LRP1B: variants seen among roughly 807,000 people sequenced by gnomAD.
The protein encoded by LRP1B is LDL receptor related protein 1B.
LRP1B carries 217 observed loss-of-function variants against 556.6 expected under a neutral mutation model. The observed-to-expected ratio is 0.39, with a 90% CI of 0.35 to 0.44. The LOEUF is 0.44. Among genes scored for constraint, LRP1B ranks in the 20% least tolerant of loss-of-function variants. LRP1B has a pLI of 1.00. For synonymous variants in LRP1B, 2,047 were observed against 1,865.8 expected (o/e 1.10, Z -2.50); for missense variants, 5,053 against 5,620.8 (o/e 0.90, Z 3.23).
At chr2:140,773,263 C>T (rs1037986714) in intron 33 of LRP1B, among the ~76,000 whole-genome samples, 1 of 151,976 alleles carries the variant, frequency 6.6e-6, no homozygotes, top group Non-Finnish European at 1.5e-5. Flanking sequence ...TCAAGAGTTC[C>T]GGACCAGAGC....
At chr2:141,313,434 G>A (rs1686886225) in intron 3 of LRP1B, among the ~76,000 whole-genome samples, 2 of 152,128 alleles carry the variant, frequency 1.3e-5, no homozygotes, top group African/African-American at 2.4e-5. Flanking sequence ...TGTGAGGGGT[G>A]CAAAATAAAA....
chr2:140,360,735 T>C (rs1194597662), intron 72 of LRP1B, among the ~76,000 whole-genome samples: 2 of 151,526 alleles, frequency 1.3e-5, no homozygotes, highest in East Asian at 3.9e-4. Context: ...TATGTCCTTT[T>C]ACTCTAATCT....
intron 66 of LRP1B, among the ~76,000 whole-genome samples, chr2:140,434,121 G>A (rs1208312222): frequency 6.6e-6 from 1 of 151,850 alleles, no homozygotes; most frequent in East Asian, 1.9e-4. Flanking sequence ...CCAGGCTGGA[G>A]TGTAGTGGTG....
rs1683369683 is a variant in LRP1B at position 141,229,261 on chromosome 2, G to T, written c.772C>A (p.Gln258Lys). Reference protein sequence around the residue: ...CWIESRESSNQLKCIQITKAG... With the variant: ...CWIESRESSNKLKCIQITKAG... ...TTTGTTATCTGGATACATTTGAGTT[G>T]ATTTGAAGATTCTCTTGATTCAATC... Residue 258 changes from glutamine to lysine, a missense_variant, in exon 6 of 91, where the codon CAA (glutamine) becomes AAA (lysine). Coordinates refer to ENST00000389484, the MANE Select transcript of LRP1B (RefSeq NM_018557.3). 1 of 1,610,976 alleles carries T rather than the reference G, an allele frequency of 6.2e-7. No individual in the cohort carries two copies. The highest frequency in any genetic ancestry group is 1.1e-5 in the South Asian group (1 of 90,940).
At chr2:141,014,685 T>A (rs940313744) in intron 13 of LRP1B, among the ~76,000 whole-genome samples, 4 of 152,068 alleles carry the variant, frequency 2.6e-5, no homozygotes, top group South Asian at 4.1e-4. Flanking sequence ...GGTTTCTTAA[T>A]TTTTTTCTCA....
At chr2:140,345,107 C>G (rs1192247495) in intron 77 of LRP1B, among the ~76,000 whole-genome samples, 3 of 151,644 alleles carry the variant, frequency 2.0e-5, no homozygotes, top group Non-Finnish European at 2.9e-5. Context: ...AGTGTGTTAT[C>G]CTATCCATTG....
At chr2:141,719,051 T>C (rs967847864) in intron 2 of LRP1B, among the ~76,000 whole-genome samples, 1 of 152,090 alleles carries the variant, frequency 6.6e-6, no homozygotes, top group Non-Finnish European at 1.5e-5. Flanking sequence ...AAATTCTGAC[T>C]TTCCCCCCCA....
At chr2:141,167,800 T>C (rs954180185) in intron 7 of LRP1B, among the ~76,000 whole-genome samples, 4 of 151,960 alleles carry the variant, frequency 2.6e-5, no homozygotes, top group Non-Finnish European at 5.9e-5. Flanking sequence ...TTCATTTGAC[T>C]TTTTACAGTG....
At chr2:141,274,968 A>T (rs1477203453) in intron 3 of LRP1B, among the ~76,000 whole-genome samples, 1 of 152,214 alleles carries the variant, frequency 6.6e-6, no homozygotes, top group African/African-American at 2.4e-5. Flanking sequence ...AAGCTTATAC[A>T]GAAGCAACAA....
intron 1 of LRP1B, among the ~76,000 whole-genome samples, chr2:141,935,758 G>C (rs998113299): frequency 1.3e-5 from 2 of 152,152 alleles, no homozygotes; most frequent in African/African-American, 4.8e-5. Flanking sequence ...AAATATGCTA[G>C]ACAGATACTT....
intron 66 of LRP1B, among the ~76,000 whole-genome samples, chr2:140,407,263 T>C (rs1308562853): frequency 2.0e-5 from 3 of 152,052 alleles, no homozygotes; most frequent in Admixed American, 6.6e-5. Context: ...GAAAAAACTA[T>C]TCTGGACATT....
chr2:141,583,448 G>T (rs181016881), intron 2 of LRP1B, among the ~76,000 whole-genome samples: 5 of 152,038 alleles, frequency 3.3e-5, no homozygotes, highest in Non-Finnish European at 4.4e-5. Flanking sequence ...TCATCAAGTG[G>T]TAGAACAAGC....
intron 2 of LRP1B, among the ~76,000 whole-genome samples, chr2:141,793,616 C>A (rs182554905): frequency 1.3e-5 from 2 of 151,716 alleles, no homozygotes; most frequent in African/African-American, 4.8e-5. Flanking sequence ...TTCATTAGAG[C>A]GAATAGCATA....
chr2:140,974,980 G>A (rs1416539700), intron 18 of LRP1B, among the ~76,000 whole-genome samples: 4 of 152,114 alleles, frequency 2.6e-5, no homozygotes, highest in African/African-American at 9.7e-5. Flanking sequence ...ATCTAGAGAA[G>A]AACAAAGAAC....
At chr2:140,263,916 G>C (rs2104931747) in intron 86 of LRP1B, among the ~76,000 whole-genome samples, 1 of 151,284 alleles carries the variant, frequency 6.6e-6, no homozygotes, top group South Asian at 2.1e-4. Flanking sequence ...CCACAATTCT[G>C]GTATCGAAAT....
chr2:141,706,660 C>T (rs1346949224), intron 2 of LRP1B, among the ~76,000 whole-genome samples: 1 of 152,044 alleles, frequency 6.6e-6, no homozygotes, highest in African/African-American at 2.4e-5. Context: ...AGGCAGAAAG[C>T]AATGTGATCT....
At chr2:141,572,712 C>T (rs1686576264) in intron 2 of LRP1B, among the ~76,000 whole-genome samples, 1 of 151,948 alleles carries the variant, frequency 6.6e-6, no homozygotes, top group Admixed American at 6.6e-5. Context: ...CATACATAGG[C>T]TCAAAATAAA....
chr2:140,840,973 A>C lies in LRP1B; in HGVS notation c.5059T>G (p.Ser1687Ala), dbSNP rs375601351. 2 of 1,613,496 alleles carry C rather than the reference A, an allele frequency of 1.2e-6. No individual in the cohort carries two copies. Among genetic ancestry groups the C allele is most frequent in the African/African-American group, 2.7e-5 (2 of 75,002 alleles). Reference protein sequence around the residue: ...VARLDGSLKTSIIHGIDKPQC... With the variant: ...VARLDGSLKTAIIHGIDKPQC... ...GGCTTATCGATTCCATGGATAATTGAGGTTTTCAAAGAGCCATCTAGCCTT... is the reference window on the plus strand; with the variant it reads ...GGCTTATCGATTCCATGGATAATTGCGGTTTTCAAAGAGCCATCTAGCCTT... Residue 1687 changes from serine (S) to alanine (A), a missense_variant, in exon 30 of 91, where the codon TCA becomes GCA. Physicochemically the swap from Ser to Ala is moderately conservative, Grantham distance 99. Around this residue, in one of 5 missense-constraint regions of LRP1B, gnomAD observed 3,619 missense variants for 3,931.9 expected, o/e 0.92. Transcript: ENST00000389484.
chr2:141,579,026 A>T (rs1240965986), intron 2 of LRP1B, among the ~76,000 whole-genome samples: 2 of 152,212 alleles, frequency 1.3e-5, no homozygotes, highest in African/African-American at 4.8e-5. Context: ...TTATGAGGAT[A>T]CGCTTTTTCT....
Sources: allele counts gnomAD v4.1 joint callset (sites outside exome capture counted in the v4.1 genomes callset), GRCh38; gene constraint gnomAD v4.1.1; regional missense constraint gnomAD v4.1.1; transcripts MANE v1.5; gene names NCBI Gene and HGNC (gene_info 2026-07-23, HGNC 2026-07-21).